The following CAPZA1 variants were observed in gnomAD, a reference collection of about 807,000 sequenced individuals.
The protein encoded by CAPZA1 is capping actin protein of muscle Z-line subunit alpha 1.
A neutral mutation model predicts 40.8 loss-of-function variants in CAPZA1; 10 were observed. The ratio of observed to expected loss-of-function variants is 0.25; its 90% CI spans 0.15 to 0.42. CAPZA1 has a LOEUF of 0.42. Among genes scored for constraint, CAPZA1 ranks in the 10% least tolerant of loss-of-function variants. CAPZA1 has a pLI of 1.00. For synonymous variants in CAPZA1, 98 were observed against 115.0 expected (o/e 0.85, Z 0.95); for missense variants, 277 against 353.8 (o/e 0.78, Z 1.74).
In CAPZA1 at chr1:112,630,382, C is replaced by A. The variant is rs186349652; in HGVS notation, c.39+10499C>A. Among the ~76,000 whole-genome samples, 22 of 152,066 alleles carry A rather than the reference C, an allele frequency of 1.4e-4. No homozygotes were observed. In the East Asian group the frequency reaches 3.9e-3, roughly 27 times the overall value. ...TTTTTGTTAGAGAGTCTCACTCTTT[C>A]GCCCAGGCTGGAGTGCAGTGGTGCC... On this transcript the variant is annotated intron_variant, in intron 1 of 9. Transcript: ENST00000263168.
chr1:112,623,759 G>A (rs1218227146), intron 1 of CAPZA1, among the ~76,000 whole-genome samples: 8 of 151,124 alleles, frequency 5.3e-5, no homozygotes, highest in Non-Finnish European at 5.9e-5. Flanking sequence ...AGGCCGAGGC[G>A]GGTGGATCAC....
At chr1:112,627,084 A>G (rs1310730888) in intron 1 of CAPZA1, among the ~76,000 whole-genome samples, 1 of 152,224 alleles carries the variant, frequency 6.6e-6, no homozygotes, top group Admixed American at 6.5e-5. Context: ...CAGTAGAGTA[A>G]ACTGAGGCAC....
chr1:112,628,043 G>A (rs1557726479), intron 1 of CAPZA1, among the ~76,000 whole-genome samples: 1 of 152,196 alleles, frequency 6.6e-6, no homozygotes, highest in Non-Finnish European at 1.5e-5. Context: ...TATTAAACAG[G>A]TGTTGAAAAA....
At chr1:112,664,517 C>T (rs1005301365) in intron 7 of CAPZA1, among the ~76,000 whole-genome samples, 3 of 152,176 alleles carry the variant, frequency 2.0e-5, no homozygotes, top group Non-Finnish European at 2.9e-5. Context: ...CCTAGCTCCT[C>T]CTCTTACTAG....
At chr1:112,627,618 C>T (rs1468161268) in intron 1 of CAPZA1, among the ~76,000 whole-genome samples, 2 of 98,068 alleles carry the variant, frequency 2.0e-5, no homozygotes, top group Non-Finnish European at 3.8e-5. Flanking sequence ...GCCTGGCCGA[C>T]AGTGCGAGAC....
chr1:112,638,035 GGCA>G (rs1333593527), intron 1 of CAPZA1, among the ~76,000 whole-genome samples: 8 of 152,184 alleles, frequency 5.3e-5, no homozygotes, highest in Middle Eastern at 3.4e-3. Flanking sequence ...GTTAAGTGGT[GGCA>G]AATTCCTTGA....
chr1:112,634,367 C>G (rs568618909), intron 1 of CAPZA1, among the ~76,000 whole-genome samples: 4 of 151,984 alleles, frequency 2.6e-5, no homozygotes, highest in Non-Finnish European at 5.9e-5. Flanking sequence ...GTTATTACTT[C>G]AAAGGGAAAT....
intron 7 of CAPZA1, among the ~76,000 whole-genome samples, chr1:112,660,867 AAGGAGGAGAAGG>A (rs1356431844): frequency 6.5e-5 from 8 of 122,682 alleles, no homozygotes; most frequent in African/African-American, 2.7e-4. Flanking sequence ...TTTTTTTGAG[AAGGAGGAGAAGG>A]AGGAGTCTCG....
Position 112,631,847 on chromosome 1 carries a change from TG to T in CAPZA1, c.39+11965del, listed in dbSNP as rs1670923212. Among the ~76,000 whole-genome samples, 11 of 152,342 alleles carry T rather than the reference TG, an allele frequency of 7.2e-5. No homozygotes were observed. The South Asian group carries it at 2.3e-3, about 32-fold the overall frequency. ...AGCACATTTAAGCTCCTAAACAAGTTGCTTATGGGATGTTTTCACTCATTTT... is the reference window on the plus strand; with the variant it reads ...AGCACATTTAAGCTCCTAAACAAGTTCTTATGGGATGTTTTCACTCATTTT... On this transcript the variant is annotated intron_variant, in intron 1 of 9. Coordinates refer to ENST00000263168, the MANE Select transcript of CAPZA1 (RefSeq NM_006135.3).
At chr1:112,652,749 A>G (rs932447022) in intron 3 of CAPZA1, among the ~76,000 whole-genome samples, 4 of 151,704 alleles carry the variant, frequency 2.6e-5, no homozygotes, top group Non-Finnish European at 4.4e-5. Flanking sequence ...TTCTGTGAGA[A>G]GACTGATACT....
At chr1:112,659,201 G>T (rs1239830373) in intron 6 of CAPZA1, 100 bp downstream of exon 6, 18 of 772,050 alleles carry the variant, frequency 2.3e-5, no homozygotes, top group Non-Finnish European at 4.1e-5. Context: ...TTAACTTACA[G>T]ACTTCAGTTT....
At chr1:112,632,963 C>T in intron 1 of CAPZA1, among the ~76,000 whole-genome samples, 1 of 152,172 alleles carries the variant, frequency 6.6e-6, no homozygotes, top group Admixed American at 6.5e-5. Context: ...AGTCTTATCT[C>T]TTGCTGATAA....
intron 1 of CAPZA1, among the ~76,000 whole-genome samples, chr1:112,645,736 C>CAA (rs34728417): frequency 1.6e-4 from 17 of 107,000 alleles, no homozygotes; most frequent in African/African-American, 5.3e-4. Flanking sequence ...CTTGCCAGTG[C>CAA]AAAAAAAAAA....
intron 4 of CAPZA1, among the ~76,000 whole-genome samples, chr1:112,654,020 G>A (rs916684685): frequency 6.6e-6 from 1 of 152,106 alleles, no homozygotes; most frequent in East Asian, 1.9e-4. Flanking sequence ...TAGGATTTTG[G>A]TGGTTGGGAA....
intron 5 of CAPZA1, among the ~76,000 whole-genome samples, chr1:112,657,758 A>AT (rs1671528363): frequency 6.6e-6 from 1 of 151,904 alleles, no homozygotes; most frequent in Non-Finnish European, 1.5e-5. Flanking sequence ...CACCTGGCTA[A>AT]TTTTTGTATT....
At chr1:112,624,025 AAAG>A (rs2101134832) in intron 1 of CAPZA1, among the ~76,000 whole-genome samples, 11 of 150,344 alleles carry the variant, frequency 7.3e-5, no homozygotes, top group East Asian at 1.9e-4. Context: ...AAAAAAGAAA[AAAG>A]AAAAGAAAAA....
chr1:112,643,055 T>A (rs1254183689), intron 1 of CAPZA1, among the ~76,000 whole-genome samples: 1 of 151,896 alleles, frequency 6.6e-6, no homozygotes, highest in Non-Finnish European at 1.5e-5. Flanking sequence ...AGAAAGGGGA[T>A]AGACCATAGC....
At chr1:112,661,230 C>G (rs1165850392) in intron 7 of CAPZA1, among the ~76,000 whole-genome samples, 1 of 152,134 alleles carries the variant, frequency 6.6e-6, no homozygotes, top group Non-Finnish European at 1.5e-5. Flanking sequence ...TAGCTCCTGG[C>G]CATAGGAGCA....
intron 8 of CAPZA1, among the ~76,000 whole-genome samples, chr1:112,669,095 A>ATGTT (rs1671779836): frequency 6.6e-6 from 1 of 152,188 alleles, no homozygotes; most frequent in Admixed American, 6.5e-5. Context: ...CATAAGTGGC[A>ATGTT]AATAAAGGCA....
Sources: gnomAD v4.1 joint callset for allele counts (sites outside exome capture counted in the v4.1 genomes callset) on GRCh38, gnomAD v4.1.1 for gene constraint, MANE v1.5 for transcripts, NCBI Gene and HGNC (gene_info 2026-07-23, HGNC 2026-07-21) for gene names.